Variants in TAS2R1 observed in about 807,000 individuals in gnomAD.
TAS2R1 encodes taste receptor type 2 member 1.
For missense variants in TAS2R1, 370 were observed against 353.4 expected (o/e 1.05, Z -0.38); for synonymous variants, 141 against 134.2 (o/e 1.05, Z -0.35).
chr5:9,805,773 A>C, the TAS2R1 span, among the ~76,000 whole-genome samples: 1 of 152,210 alleles, frequency 6.6e-6, no homozygotes, highest in Non-Finnish European at 1.5e-5. Context: ...ATCTATGACA[A>C]ACCCACAGCC....
chr5:9,633,204 A>T (rs1252587380), upstream of TAS2R1, among the ~76,000 whole-genome samples: 2 of 149,730 alleles, frequency 1.3e-5, no homozygotes, highest in Non-Finnish European at 3.0e-5. Context: ...ACTATTTTTT[A>T]AAAACGATTT....
the TAS2R1 span, among the ~76,000 whole-genome samples, chr5:9,779,498 G>C: frequency 7.9e-5 from 12 of 152,116 alleles, 1 homozygote; most frequent in Admixed American, 6.5e-4. Context: ...GAACACTTAG[G>C]GCTATTAACT....
chr5:9,850,186 T>C, the TAS2R1 span, among the ~76,000 whole-genome samples: 3 of 152,166 alleles, frequency 2.0e-5, no homozygotes, highest in Non-Finnish European at 4.4e-5. Flanking sequence ...TGGGCTTTAA[T>C]AGCACATCTC....
the TAS2R1 span, among the ~76,000 whole-genome samples, chr5:9,802,093 C>A: frequency 6.6e-6 from 1 of 152,206 alleles, no homozygotes; most frequent in African/African-American, 2.4e-5. Flanking sequence ...CTATTGAAAG[C>A]ACCACCTACT....
chr5:9,753,154 T>C, the TAS2R1 span, among the ~76,000 whole-genome samples: 6 of 152,168 alleles, frequency 3.9e-5, no homozygotes, highest in East Asian at 7.7e-4. Context: ...AACTAGTTTA[T>C]AGTCCCACCA....
At chr5:9,738,231 T>C in the TAS2R1 span, among the ~76,000 whole-genome samples, 6 of 152,268 alleles carry the variant, frequency 3.9e-5, no homozygotes, top group South Asian at 1.2e-3. Flanking sequence ...TACCACCCAT[T>C]CTCAGAGTTT....
chr5:9,646,130 G>A (rs981282817), intron 2 of TAS2R1, among the ~76,000 whole-genome samples: 7 of 152,062 alleles, frequency 4.6e-5, no homozygotes, highest in African/African-American at 1.4e-4. Context: ...AGAGTTTTGA[G>A]TATTCTATTC....
chr5:9,703,291 A>G (rs770394065), intron 1 of TAS2R1, among the ~76,000 whole-genome samples: 9 of 152,224 alleles, frequency 5.9e-5, no homozygotes, highest in Non-Finnish European at 1.3e-4. Flanking sequence ...GTGGGGCTAT[A>G]GATTTGAAAA....
the TAS2R1 span, among the ~76,000 whole-genome samples, chr5:9,770,689 CT>C: frequency 4.0e-5 from 6 of 151,874 alleles, no homozygotes; most frequent in African/African-American, 1.5e-4. Flanking sequence ...TTCTTGATTT[CT>C]TTTTTGGATT....
chr5:9,878,116 C>T, the TAS2R1 span, among the ~76,000 whole-genome samples: 13 of 152,256 alleles, frequency 8.5e-5, no homozygotes, highest in African/African-American at 3.1e-4. Context: ...CATTTGGGGG[C>T]TCTCAATGAA....
the TAS2R1 span, among the ~76,000 whole-genome samples, chr5:9,900,154 T>C: frequency 1.4e-4 from 21 of 152,186 alleles, no homozygotes; most frequent in African/African-American, 4.8e-4. Context: ...AAACTAAATG[T>C]CTTAGTTTTA....
At chr5:9,713,654 T>G (rs1260917067), upstream of TAS2R1, 3 of 152,336 alleles carry the variant, frequency 2.0e-5, no homozygotes, top group South Asian at 4.1e-4. Context: ...CCATTTCTTT[T>G]GTAGTTTAAT....
At chr5:9,840,369 A>G in the TAS2R1 span, among the ~76,000 whole-genome samples, 9 of 152,124 alleles carry the variant, frequency 5.9e-5, no homozygotes, top group African/African-American at 2.2e-4. Context: ...TGGCACCAAT[A>G]TTCATCTTGT....
At chr5:9,696,956 T>C (rs1041192514) in intron 1 of TAS2R1, among the ~76,000 whole-genome samples, 6 of 151,990 alleles carry the variant, frequency 3.9e-5, no homozygotes, top group African/African-American at 1.5e-4. Context: ...GAGGTTGCTG[T>C]GAGGCTAGAT....
rs1252917612 is a variant in TAS2R1, at chr5:9,629,657, C to T, written c.376G>A (p.Val126Ile). 3.7e-6 allele frequency: 6 copies of T among 1,614,142 alleles called. No homozygotes were observed. In the Admixed American group the frequency reaches 8.3e-5, roughly 22 times the overall value. ...IWLKMRISKL[V>I]PWMILGSLLY... ...AGAGACCCCAGGATCATCCATGGGA[C>T]CAGCTTGGATATCCTCATCTTCAAC... Residue 126 changes from valine (V) to isoleucine (I), a missense_variant, in exon 1 of 1, where the codon GTC becomes ATC. Transcript: ENST00000382492.
the TAS2R1 span, among the ~76,000 whole-genome samples, chr5:9,815,465 T>C: frequency 0.4 from 61,037 of 151,982 alleles, 12,367 homozygotes; most frequent in Admixed American, 0.48. Flanking sequence ...AACAGATAGA[T>C]AGATAATCTC....
At chr5:9,815,910 A>G in the TAS2R1 span, among the ~76,000 whole-genome samples, 1 of 152,200 alleles carries the variant, frequency 6.6e-6, no homozygotes, top group Non-Finnish European at 1.5e-5. Context: ...TCTTAGGGTC[A>G]TTAATGTTCC....
chr5:9,705,492 C>T (rs1412296584), intron 1 of TAS2R1, among the ~76,000 whole-genome samples: 1 of 152,114 alleles, frequency 6.6e-6, no homozygotes, highest in African/African-American at 2.4e-5. Flanking sequence ...CCAATTTAGT[C>T]CTGAACCCAG....
the TAS2R1 span, among the ~76,000 whole-genome samples, chr5:9,780,286 T>C: frequency 7.2e-4 from 110 of 152,338 alleles, 5 homozygotes; most frequent in East Asian, 0.017. Context: ...TGGAATTATT[T>C]CCTGAACTCA....
Sources: gnomAD v4.1 joint callset for allele counts (sites outside exome capture counted in the v4.1 genomes callset) on GRCh38, gnomAD v4.1.1 for gene constraint, MANE v1.5 for transcripts, NCBI Gene and HGNC (gene_info 2026-07-23, HGNC 2026-07-21) for gene names.